AKAP6: variants seen among roughly 807,000 people sequenced by gnomAD.
AKAP6 encodes A-kinase anchoring protein 6, also known as A-kinase anchor protein 6.
Under a neutral mutation model 188.5 loss-of-function variants are expected in AKAP6, and 58 were observed. The observed-to-expected ratio is 0.31, with a 90% CI of 0.25 to 0.38. AKAP6 has a LOEUF of 0.38. Among genes scored for constraint, AKAP6 ranks in the 10% least tolerant of loss-of-function variants. The pLI is 1.00. For missense variants in AKAP6, 2,710 were observed against 2,740.0 expected, an observed-to-expected ratio of 0.99 and a Z score of 0.24; for synonymous variants, 989 against 998.6, an observed-to-expected ratio of 0.99 and a Z score of 0.18.
intron 7 of AKAP6, among the ~76,000 whole-genome samples, chr14:32,639,559 T>C (rs1261354677): frequency 6.6e-6 from 1 of 152,172 alleles, no homozygotes; most frequent in Non-Finnish European, 1.5e-5. Context: ...GAAACAATAG[T>C]GAGCAAAACC....
chr14:32,355,525 GA>G (rs1253222234), intron 1 of AKAP6, among the ~76,000 whole-genome samples: 1 of 151,930 alleles, frequency 6.6e-6, no homozygotes, highest in East Asian at 1.9e-4. Flanking sequence ...GAAATGCATA[GA>G]ATTACAAAAA....
intron 9 of AKAP6, among the ~76,000 whole-genome samples, chr14:32,697,079 A>G (rs1890435074): frequency 6.6e-6 from 1 of 152,206 alleles, no homozygotes; most frequent in Admixed American, 6.5e-5. Flanking sequence ...AAAATTTCTT[A>G]TAGAATAAGA....
intron 1 of AKAP6, among the ~76,000 whole-genome samples, chr14:32,415,650 T>C (rs1167519207): frequency 6.6e-6 from 1 of 152,152 alleles, no homozygotes; most frequent in African/African-American, 2.4e-5. Context: ...TTTCATCTTA[T>C]AAAACTGAAA....
chr14:32,739,698 G>A (rs888191562), intron 11 of AKAP6, among the ~76,000 whole-genome samples: 2 of 152,014 alleles, frequency 1.3e-5, no homozygotes, highest in African/African-American at 2.4e-5. Context: ...TAAATGACAC[G>A]ATCTCATTCT....
At chr14:32,388,927 A>T (rs1888618642) in intron 1 of AKAP6, among the ~76,000 whole-genome samples, 1 of 152,018 alleles carries the variant, frequency 6.6e-6, no homozygotes, top group Non-Finnish European at 1.5e-5. Context: ...TGTCTTGATG[A>T]CTGTCTAGTG....
At chr14:32,423,724 T>G (rs1889933059) in intron 1 of AKAP6, among the ~76,000 whole-genome samples, 1 of 152,180 alleles carries the variant, frequency 6.6e-6, no homozygotes, top group Non-Finnish European at 1.5e-5. Flanking sequence ...GAGGGATCTT[T>G]TATCTTCAAT....
At chr14:32,689,110 A>G (rs962542576) in intron 8 of AKAP6, among the ~76,000 whole-genome samples, 4 of 152,074 alleles carry the variant, frequency 2.6e-5, no homozygotes, top group South Asian at 4.1e-4. Flanking sequence ...ACATTTTTCC[A>G]TTTGTTCTTC....
chr14:32,782,347 A>G (rs2033279260), intron 12 of AKAP6, among the ~76,000 whole-genome samples: 1 of 152,232 alleles, frequency 6.6e-6, no homozygotes, highest in Admixed American at 6.5e-5. Flanking sequence ...GATCAGGAAT[A>G]AGGCAAAGAT....
At chr14:32,698,276 A>G (rs1890484293) in intron 9 of AKAP6, among the ~76,000 whole-genome samples, 1 of 152,140 alleles carries the variant, frequency 6.6e-6, no homozygotes, top group Admixed American at 6.5e-5. Flanking sequence ...AACATTTTCA[A>G]TATCCTATTC....
intron 9 of AKAP6, among the ~76,000 whole-genome samples, chr14:32,724,900 G>T (rs1387328982): frequency 6.9e-6 from 1 of 144,788 alleles, no homozygotes; most frequent in African/African-American, 2.5e-5. Context: ...CAATAGATCC[G>T]TGGGGCTTGT....
intron 11 of AKAP6, among the ~76,000 whole-genome samples, chr14:32,752,364 C>T (rs975884564): frequency 7.2e-5 from 11 of 152,114 alleles, no homozygotes; most frequent in Non-Finnish European, 1.5e-4. Context: ...TTCAACCAAC[C>T]TGGAAGGAGA....
intron 2 of AKAP6, among the ~76,000 whole-genome samples, chr14:32,456,489 A>C (rs1891150049): frequency 6.6e-6 from 1 of 152,258 alleles, no homozygotes. Context: ...AGAAGTAAAC[A>C]TGCAAAATTT....
intron 1 of AKAP6, among the ~76,000 whole-genome samples, chr14:32,424,027 G>T (rs575491966): frequency 2.3e-4 from 35 of 152,044 alleles, no homozygotes; most frequent in Non-Finnish European, 4.1e-4. Flanking sequence ...TTCTTTCTGG[G>T]CTAGGAAGAG....
intron 1 of AKAP6, among the ~76,000 whole-genome samples, chr14:32,332,298 C>T (rs1444945292): frequency 6.6e-6 from 1 of 152,056 alleles, no homozygotes; most frequent in African/African-American, 2.4e-5. Context: ...GTCATCTATA[C>T]TCTATCACAC....
At chr14:32,479,326 T>C (rs1474635780) in intron 2 of AKAP6, among the ~76,000 whole-genome samples, 1 of 152,150 alleles carries the variant, frequency 6.6e-6, no homozygotes, top group African/African-American at 2.4e-5. Flanking sequence ...GTTTTCTTGA[T>C]TGTGTGATTA....
intron 8 of AKAP6, among the ~76,000 whole-genome samples, chr14:32,691,049 G>A (rs1235947432): frequency 6.6e-6 from 1 of 152,152 alleles, no homozygotes; most frequent in Admixed American, 6.5e-5. Context: ...AAATGAGAGT[G>A]AATGCATTGA....
rs2034596975 is a variant in AKAP6 at position 32,823,747 on chromosome 14, T to C, written c.5934T>C (p.Thr1978=). ...TTGAAAATCAAAGCACTGCCTCTAC[T>C]CCCACTGAGAAGTCTTTCTCAGAAC... ...HHFENQSTAS[T]PTEKSFSELA... Residue 1978 remains threonine (T), a synonymous_variant, in exon 13 of 14, where the codon ACT becomes ACC. Coordinates refer to ENST00000280979, the MANE Select transcript of AKAP6 (RefSeq NM_004274.5). The C allele has an allele frequency of 6.2e-7, 1 of 1,613,572 alleles. No homozygotes were observed. Among genetic ancestry groups the C allele is most frequent in the Non-Finnish European group, 8.5e-7 (1 of 1,179,876 alleles).
chr14:32,570,026 A>G (rs1454621665), intron 4 of AKAP6, among the ~76,000 whole-genome samples: 3 of 151,326 alleles, frequency 2.0e-5, no homozygotes, highest in African/African-American at 4.9e-5. Context: ...TGCCCCCGTC[A>G]TGCTGTCTCA....
At chr14:32,792,203 A>G (rs2033632269) in intron 12 of AKAP6, among the ~76,000 whole-genome samples, 1 of 152,192 alleles carries the variant, frequency 6.6e-6, no homozygotes. Context: ...TCTGTAAATT[A>G]CTTTGGACAG....
Sources: gnomAD v4.1 joint callset for allele counts (sites outside exome capture counted in the v4.1 genomes callset) on GRCh38, gnomAD v4.1.1 for gene constraint, MANE v1.5 for transcripts, NCBI Gene and HGNC (gene_info 2026-07-23, HGNC 2026-07-21) for gene names.